NCKIPSD: variants seen among roughly 807,000 people sequenced by gnomAD.
NCKIPSD encodes NCK interacting protein with SH3 domain, also known as NCK-interacting protein with SH3 domain.
In NCKIPSD, 48 loss-of-function variants were observed where a neutral mutation model predicts 73.4. That is an observed-to-expected ratio of 0.65 (90% CI 0.52 to 0.83). NCKIPSD has a LOEUF of 0.83. Among genes scored for constraint, NCKIPSD ranks in the 40% least tolerant of loss-of-function variants. NCKIPSD has a pLI of 0.00. For missense variants in NCKIPSD, 884 were observed against 970.2 expected (o/e 0.91, Z 1.18); for synonymous variants, 422 against 403.6 (o/e 1.05, Z -0.54).
chr3:48,685,862 C>A lies in NCKIPSD; in HGVS notation c.-55G>T. ...TGGCAAGGGCTGCGGCGCCACAACG[C>A]CAGGCCGGGAGCGCCGAGCCGCGCC... is the stretch of plus-strand genomic sequence containing the variant. On this transcript the variant is annotated 5_prime_UTR_variant, in exon 1 of 13. Coordinates refer to ENST00000294129, the MANE Select transcript of NCKIPSD (RefSeq NM_016453.4). The A allele has an allele frequency of 7.4e-7, 1 of 1,349,418 alleles. No homozygotes were observed. The allele number at this position is 1,349,418 out of a possible 1,614,324, so 83.6% of individuals were successfully genotyped here.
chr3:48,682,764 C>G (rs953230761), intron 2 of NCKIPSD, 139 bp downstream of exon 2: 1 of 1,316,446 alleles, frequency 7.6e-7, no homozygotes, highest in Non-Finnish European at 1.0e-6. Flanking sequence ...CCCCACCTTG[C>G]TCACTGGGAG....
At chr3:48,678,856 C>G (rs745484458) in intron 11 of NCKIPSD, 21 bp downstream of exon 11, 2 of 1,613,756 alleles carry the variant, frequency 1.2e-6, no homozygotes, top group Non-Finnish European at 8.5e-7. Context: ...GTGGTACCCG[C>G]GCAGATTCCC....
chr3:48,681,128 T>C, intron 5 of NCKIPSD, 159 bp downstream of exon 5: 1 of 1,175,858 alleles, frequency 8.5e-7, no homozygotes, highest in Non-Finnish European at 1.2e-6. Context: ...TTGTCCTTCC[T>C]TTCTGCTTCA....
At chr3:48,676,710 C>T (rs532782620) in intron 12 of NCKIPSD, among the ~76,000 whole-genome samples, 1 of 152,142 alleles carries the variant, frequency 6.6e-6, no homozygotes, top group East Asian at 2.0e-4. Context: ...CCAGGCTGAT[C>T]TTGAACTCAT....
intron 12 of NCKIPSD, among the ~76,000 whole-genome samples, chr3:48,675,825 C>T (rs557316877): frequency 2.6e-5 from 4 of 152,102 alleles, no homozygotes; most frequent in South Asian, 4.2e-4. Context: ...GGATTACAGG[C>T]GTGAACCACC....
chr3:48,683,324 G>A (rs2077385593), intron 1 of NCKIPSD, among the ~76,000 whole-genome samples: 1 of 152,110 alleles, frequency 6.6e-6, no homozygotes, highest in African/African-American at 2.4e-5. Context: ...CATAGCCCAG[G>A]GGCTCCCAGC....
At position 48,678,890 on chromosome 3, in the gene NCKIPSD, G is replaced by A; in HGVS notation, c.1779C>T (p.Leu593=). ...CCGGGCCCTCACCCCCTCTGTTCAG[G>A]AGCAACAACAGCTTCTCGGAGAAGA... ...VKIFSEKLLL[L]LNRGDDPVRI... Residue 593 remains leucine, a synonymous_variant, in exon 11 of 13, where the codon CTC becomes CTT. Coordinates refer to ENST00000294129, the MANE Select transcript of NCKIPSD (RefSeq NM_016453.4). The A allele has an allele frequency of 6.2e-7, 1 of 1,613,958 alleles. No homozygotes were observed. Among genetic ancestry groups the A allele is most frequent in the Non-Finnish European group, 8.5e-7 (1 of 1,179,998 alleles).
At position 48,673,959 on chromosome 3, in the gene NCKIPSD, G is replaced by A. The variant is rs2077213165; in HGVS notation, c.*585C>T. The A allele has an allele frequency of 1.9e-6, 2 of 1,066,444 alleles. No homozygotes were observed. The highest frequency in any genetic ancestry group is 2.3e-6 in the Non-Finnish European group (2 of 879,688). The allele number at this position is 1,066,444 out of a possible 1,614,324, so 66.1% of individuals were successfully genotyped here. ...AGAGATTCGGTCATTGGCTTTCTCA[G>A]TGCCATCATCCTGTTCCATGAGGCT... is the stretch of plus-strand genomic sequence containing the variant. On this transcript the variant is annotated 3_prime_UTR_variant, in exon 13 of 13. Transcript: ENST00000294129.
rs114457546 is a variant in NCKIPSD, at chr3:48,680,517, T to G, written c.1093-288A>C. 4.2e-3 allele frequency among the ~76,000 whole-genome samples: 637 copies of G among 152,246 alleles called. 6 individuals carry two copies. The highest frequency in any genetic ancestry group is 0.014 in the African/African-American group (584 of 41,536). The stretch of plus-strand genomic sequence containing the variant: ...AACTCTGTCACTGCCAGAATGTGAC[T>G]CTGAGACCTCACTCTCCCATTCCAC... On this transcript the variant is annotated intron_variant, in intron 5 of 12. Coordinates refer to ENST00000294129, the MANE Select transcript of NCKIPSD (RefSeq NM_016453.4).
intron 12 of NCKIPSD, 37 bp downstream of exon 12, chr3:48,678,527 C>A: frequency 1.3e-6 from 2 of 1,577,310 alleles, no homozygotes; most frequent in South Asian, 2.3e-5. Context: ...TCAGTTTCCA[C>A]ACAGTGACCC....
chr3:48,681,946 C>G, intron 4 of NCKIPSD, 99 bp downstream of exon 4: 5 of 1,494,350 alleles, frequency 3.3e-6, no homozygotes, highest in Non-Finnish European at 4.5e-6. Context: ...GTCCTGTCCT[C>G]TTCCCCAGCT....
rs999717129 is a variant in NCKIPSD at position 48,680,233 on chromosome 3, G to A, written c.1093-4C>T. 1 of 1,604,454 alleles carries A rather than the reference G, an allele frequency of 6.2e-7. No homozygotes were observed. The highest frequency in any genetic ancestry group is 1.7e-5 in the Admixed American group (1 of 59,182). ...AGGGCAGGGCCATGCTGAGGTCCTA[G>A]AGGGAGAGGGCAAGGCATGACTCAG... On this transcript the variant is annotated splice_polypyrimidine_tract_variant and splice_region_variant and intron_variant, in intron 5 of 12. Transcript: ENST00000294129.
chr3:48,675,094 C>G (rs1229971314), intron 12 of NCKIPSD, among the ~76,000 whole-genome samples: 1 of 151,998 alleles, frequency 6.6e-6, no homozygotes, highest in Non-Finnish European at 1.5e-5. Context: ...CGTGCACATT[C>G]ACAGCTTCAA....
At chr3:48,680,360 G>T in intron 5 of NCKIPSD, 131 bp from the exon 6 acceptor site, 1 of 1,032,904 alleles carries the variant, frequency 9.7e-7, no homozygotes, top group Non-Finnish European at 1.4e-6. Context: ...GCCCACACTG[G>T]ACAGGAGGCT....
intron 1 of NCKIPSD, among the ~76,000 whole-genome samples, chr3:48,684,019 C>CACACACACACACACACACACACACACAG (rs563262573): frequency 1.4e-5 from 2 of 141,344 alleles, no homozygotes; most frequent in African/African-American, 5.6e-5. Context: ...CACACACACA[C>CACACACACACACACACACACACACACAG]AGAGAGAGAG....
chr3:48,683,023 C>T lies in NCKIPSD; in HGVS notation c.172-11G>A, dbSNP rs776952730. 9 of 1,548,800 alleles carry T rather than the reference C, an allele frequency of 5.8e-6. No individual in the cohort carries two copies. Among genetic ancestry groups the T allele is most frequent in the African/African-American group, 1.4e-5 (1 of 72,992 alleles). On this transcript the variant is annotated splice_polypyrimidine_tract_variant and intron_variant, in intron 1 of 12. Transcript: ENST00000294129. ...ATCCTGCTCCAGGCCCTGGGGGGGG[C>T]AGGGGACAGCAGTTAGACCTGAAGG...
chr3:48,683,183 T>A, intron 1 of NCKIPSD, 171 bp from the exon 2 acceptor site: 1 of 1,260,534 alleles, frequency 7.9e-7, no homozygotes, highest in Non-Finnish European at 1.1e-6. Flanking sequence ...TCAAACTGTA[T>A]CACTCAGGGA....
At chr3:48,675,264 G>T (rs1035926419) in intron 12 of NCKIPSD, among the ~76,000 whole-genome samples, 2 of 151,838 alleles carry the variant, frequency 1.3e-5, no homozygotes, top group Non-Finnish European at 2.9e-5. Flanking sequence ...AGAGTTGAAG[G>T]TTTTCTCATG....
chr3:48,681,162 G>T, intron 5 of NCKIPSD, 125 bp downstream of exon 5: 1 of 1,397,674 alleles, frequency 7.2e-7, no homozygotes. Context: ...CGTCCCCAGT[G>T]CCCAGCACAG....
Sources: gnomAD v4.1 joint callset for allele counts (sites outside exome capture counted in the v4.1 genomes callset) on GRCh38, gnomAD v4.1.1 for gene constraint, MANE v1.5 for transcripts, NCBI Gene and HGNC (gene_info 2026-07-23, HGNC 2026-07-21) for gene names.